ATRNL1: variants seen among roughly 807,000 people sequenced by gnomAD.
The protein encoded by ATRNL1 is attractin-like protein 1.
ATRNL1 carries 95 observed loss-of-function variants against 182.7 expected under a neutral mutation model. That is an observed-to-expected ratio of 0.52 (90% CI 0.44 to 0.62). The LOEUF (loss-of-function observed/expected upper bound fraction) is 0.62, where lower values mean the gene tolerates loss of function less well. ATRNL1 is among the 20% of genes least tolerant of loss of function. The pLI is 0.00. For synonymous variants in ATRNL1, 576 were observed against 568.3 expected (o/e 1.01, Z -0.19); for missense variants, 1,471 against 1,679.5 (o/e 0.88, Z 2.17).
At chr10:115,682,065 C>T (rs541083600) in intron 26 of ATRNL1, among the ~76,000 whole-genome samples, 1 of 152,084 alleles carries the variant, frequency 6.6e-6, no homozygotes, top group Non-Finnish European at 1.5e-5. Flanking sequence ...AGGTCTAATA[C>T]CAGTTCTTAC....
chr10:115,098,084 GTTTTA>G (rs1287143583), intron 1 of ATRNL1, among the ~76,000 whole-genome samples: 1 of 151,954 alleles, frequency 6.6e-6, no homozygotes, highest in Non-Finnish European at 1.5e-5. Context: ...TTATTTCAAA[GTTTTA>G]TTTTAATGGA....
intron 1 of ATRNL1, among the ~76,000 whole-genome samples, chr10:115,107,176 G>A (rs77593239): frequency 1.2e-3 from 185 of 152,034 alleles, no homozygotes; most frequent in African/African-American, 4.2e-3. Flanking sequence ...CAAAGTCTAG[G>A]GTCTCTTCTA....
chr10:115,852,503 G>A (rs79787984), intron 28 of ATRNL1, among the ~76,000 whole-genome samples: 8,468 of 152,136 alleles, frequency 0.056, 711 homozygotes, highest in African/African-American at 0.18. Flanking sequence ...TCATTGGTGT[G>A]ACCCTCTTAA....
chr10:115,778,557 C>A (rs1440211214), intron 27 of ATRNL1, among the ~76,000 whole-genome samples: 1 of 152,166 alleles, frequency 6.6e-6, no homozygotes, highest in Non-Finnish European at 1.5e-5. Context: ...AATGAACGAA[C>A]TAAATCATAT....
chr10:115,925,469 T>A (rs932742252), intron 28 of ATRNL1, among the ~76,000 whole-genome samples: 1 of 152,004 alleles, frequency 6.6e-6, no homozygotes, highest in African/African-American at 2.4e-5. Flanking sequence ...ACTGGTAAAT[T>A]GGATAAAGAG....
rs142610447 is a variant in ATRNL1, at chr10:115,406,040, G to A, written c.3269+11288G>A. Among the ~76,000 whole-genome samples the A allele has an allele frequency of 2.6e-3, 388 of 152,018 alleles. 4 individuals are homozygous for A. The highest frequency in any genetic ancestry group is 3.8e-4 in the Non-Finnish European group (26 of 67,992). On this transcript the variant is annotated intron_variant, in intron 20 of 28. Coordinates refer to ENST00000355044, the MANE Select transcript of ATRNL1 (RefSeq NM_207303.4). ...CATAAACTCATCATTTTTTACGGCT[G>A]CATAGTATTCCATGGTGTATATGTG... is the stretch of plus-strand genomic sequence containing the variant.
intron 27 of ATRNL1, among the ~76,000 whole-genome samples, chr10:115,841,902 A>G (rs1439926687): frequency 1.3e-5 from 2 of 152,114 alleles, no homozygotes; most frequent in Non-Finnish European, 2.9e-5. Context: ...GGCCCACTTA[A>G]TACAATACTC....
At chr10:115,546,969 A>G (rs1218483085) in intron 25 of ATRNL1, among the ~76,000 whole-genome samples, 1 of 152,090 alleles carries the variant, frequency 6.6e-6, no homozygotes, top group African/African-American at 2.4e-5. Flanking sequence ...AAGTTAGAAT[A>G]TTGGCCAGGT....
At chr10:115,754,128 C>T (rs1205223702) in intron 27 of ATRNL1, among the ~76,000 whole-genome samples, 1 of 152,094 alleles carries the variant, frequency 6.6e-6, no homozygotes, top group Non-Finnish European at 1.5e-5. Context: ...AGGTTGCCTG[C>T]TCACTCTGAT....
rs183978837 is a variant in ATRNL1 at position 115,693,733 on chromosome 10, A to G, written c.3796-33515A>G. Reference sequence around the variant, plus strand: ...GAATGCTGTAAACAACTGTAACACAATAAGTATTTGTGTATCTAAATATAA... The same window carrying G: ...GAATGCTGTAAACAACTGTAACACAGTAAGTATTTGTGTATCTAAATATAA... On this transcript the variant is annotated intron_variant, in intron 26 of 28. Coordinates refer to ENST00000355044, the MANE Select transcript of ATRNL1 (RefSeq NM_207303.4). 6.0e-3 allele frequency among the ~76,000 whole-genome samples: 909 copies of G among 152,258 alleles called. 9 individuals carry two copies. The highest frequency in any genetic ancestry group is 0.021 in the African/African-American group (882 of 41,576).
chr10:115,630,729 T>C (rs1415924547), intron 26 of ATRNL1, among the ~76,000 whole-genome samples: 2 of 147,820 alleles, frequency 1.4e-5, no homozygotes, highest in Non-Finnish European at 3.0e-5. Flanking sequence ...ATTTAATAGA[T>C]ATCATATATC....
chr10:115,497,803 A>G (rs1849627014), intron 24 of ATRNL1, among the ~76,000 whole-genome samples: 2 of 151,908 alleles, frequency 1.3e-5, no homozygotes, highest in Non-Finnish European at 2.9e-5. Context: ...GATTAGGGGC[A>G]TGTGCCACCA....
intron 5 of ATRNL1, among the ~76,000 whole-genome samples, chr10:115,154,815 A>C (rs59450470): frequency 2.0e-5 from 3 of 152,250 alleles, no homozygotes; most frequent in Admixed American, 2.0e-4. Flanking sequence ...TATTGGATCA[A>C]ATAACACTGG....
At chr10:115,765,878 C>A (rs1948845716) in intron 27 of ATRNL1, among the ~76,000 whole-genome samples, 1 of 152,220 alleles carries the variant, frequency 6.6e-6, no homozygotes, top group African/African-American at 2.4e-5. Context: ...AACTAGTCCC[C>A]CACTGATGTA....
intron 5 of ATRNL1, among the ~76,000 whole-genome samples, chr10:115,143,164 A>T (rs1023019665): frequency 6.6e-6 from 1 of 152,176 alleles, no homozygotes; most frequent in Non-Finnish European, 1.5e-5. Context: ...CGAACCAAAG[A>T]CTGAACTGTG....
chr10:115,315,837 CA>C (rs1554929485), intron 18 of ATRNL1, 101 bp downstream of exon 18: 2 of 966,388 alleles, frequency 2.1e-6, no homozygotes, highest in Non-Finnish European at 3.0e-6. Context: ...AGGAAAAAAG[CA>C]GAATGAAAAT....
At chr10:115,219,231 CAAA>C (rs78580406) in intron 9 of ATRNL1, among the ~76,000 whole-genome samples, 6 of 60,828 alleles carry the variant, frequency 9.9e-5, no homozygotes, top group Admixed American at 1.9e-4. Flanking sequence ...GACTCCATCT[CAAA>C]AAAAAAAAAA....
At chr10:115,648,196 C>T (rs1378766298) in intron 26 of ATRNL1, among the ~76,000 whole-genome samples, 1 of 152,066 alleles carries the variant, frequency 6.6e-6, no homozygotes, top group Non-Finnish European at 1.5e-5. Context: ...AGTGAACTCC[C>T]GTTCACAATT....
chr10:115,785,372 A>G (rs536748636), intron 27 of ATRNL1, among the ~76,000 whole-genome samples: 22 of 152,124 alleles, frequency 1.4e-4, no homozygotes, highest in Admixed American at 3.9e-4. Context: ...CCCACCCTCT[A>G]TGGCCTCTTC....
Sources: gnomAD v4.1 joint callset for allele counts (sites outside exome capture counted in the v4.1 genomes callset) on GRCh38, gnomAD v4.1.1 for gene constraint, MANE v1.5 for transcripts, NCBI Gene and HGNC (gene_info 2026-07-23, HGNC 2026-07-21) for gene names.